Variants in C15orf39 observed in about 807,000 individuals in gnomAD.
The protein encoded by C15orf39 is uncharacterized protein C15orf39.
A neutral mutation model predicts 53.9 loss-of-function variants in C15orf39; 24 were observed. That is an observed-to-expected ratio of 0.45 (90% CI 0.32 to 0.63). The LOEUF (loss-of-function observed/expected upper bound fraction) is 0.63. Ranked by LOEUF, C15orf39 falls within the 20% of genes least tolerant of loss-of-function variation. The pLI is 0.04. For missense variants in C15orf39, 1,271 were observed against 1,347.9 expected, an observed-to-expected ratio of 0.94 and a Z score of 0.89; for synonymous variants, 569 against 576.5, an observed-to-expected ratio of 0.99 and a Z score of 0.19.
chr15:75,202,580 G>T (rs1475969291), intron 1 of C15orf39, among the ~76,000 whole-genome samples: 1 of 150,158 alleles, frequency 6.7e-6, no homozygotes, highest in Non-Finnish European at 1.5e-5. Context: ...CAGGCTGGCA[G>T]GATCGCCCTG....
Position 75,211,055 on chromosome 15 carries a change from C to T in C15orf39, c.3083C>T (p.Ser1028Leu). ...CTGCCCACCTGGGGCCACAAGTCCT[C>T]AAGACCAGACCAGCCCTCACCCTGC... ...LALPTWGHKSSRPDQPSPCPQ... is the reference protein window; with the variant it reads ...LALPTWGHKSLRPDQPSPCPQ... Residue 1028 changes from serine to leucine, a missense_variant, in exon 3 of 3, where the codon TCA (serine) becomes TTA (leucine). By Grantham distance (145) the Ser-to-Leu change is moderately radical. Transcript: ENST00000394987. 6.2e-7 allele frequency: 1 copy of T among 1,605,570 alleles called. No homozygotes were observed. Among genetic ancestry groups the T allele is most frequent in the Non-Finnish European group, 8.5e-7 (1 of 1,179,974 alleles).
Position 75,206,315 on chromosome 15 carries a change from C to CAA in C15orf39, c.268_269dup (p.Asn90LysfsTer63). 1.2e-6 allele frequency: 2 copies of CAA among 1,614,070 alleles called. No individual in the cohort carries two copies. Among genetic ancestry groups the CAA allele is most frequent in the Non-Finnish European group, 1.7e-6 (2 of 1,179,984 alleles). On this transcript the variant is annotated frameshift_variant, in exon 2 of 3. Coordinates refer to ENST00000394987, the MANE Select transcript of C15orf39 (RefSeq NM_015492.5). LOFTEE classifies it high-confidence loss of function. Reference sequence around the variant, plus strand: ...CACTTCAGGCAGACAACCTGCTGACCAACTGCCTGTTCTACCGCTCGCCAG... The same window carrying CAA: ...CACTTCAGGCAGACAACCTGCTGACCAAAACTGCCTGTTCTACCGCTCGCCAG...
In C15orf39 at chr15:75,208,490, G is replaced by A. The variant is rs781530926; in HGVS notation, c.2442G>A (p.Leu814=). ...AWQDCQGVQG[L]LAKLLSQLQR... The stretch of plus-strand genomic sequence containing the variant: ...AGGACTGCCAGGGTGTGCAGGGGCT[G>A]CTGGCCAAGCTGCTGTCTCAGCTGC... Residue 814 remains leucine (L), a synonymous_variant, in exon 2 of 3, where the codon CTG becomes CTA. Transcript: ENST00000394987. The A allele has an allele frequency of 4.4e-6, 7 of 1,593,814 alleles. No individual in the cohort carries two copies. The South Asian group carries it at 6.7e-5, about 15-fold the overall frequency.
rs1273231326 is a variant in C15orf39 at position 75,206,657 on chromosome 15, C to T, written c.609C>T (p.Ser203=). 1.2e-6 allele frequency: 2 copies of T among 1,613,742 alleles called. No individual in the cohort carries two copies. Among genetic ancestry groups the T allele is most frequent in the African/African-American group, 1.3e-5 (1 of 75,030 alleles). ...CAGCTGAGGGGTCCAGTAAAGACTC[C>T]TCAGGGAGCTTCTCCCCATGCCAGC... is the stretch of plus-strand genomic sequence containing the variant. ...GVPAEGSSKD[S]SGSFSPCQPF... The change falls in exon 2 of 3, where the codon TCC becomes TCT. Residue 203 remains serine, a synonymous_variant. Transcript: ENST00000394987.
rs971431644 is a variant in C15orf39 at position 75,206,216 on chromosome 15, T to G, written c.168T>G (p.Pro56=). Residue 56 remains proline, a synonymous_variant, in exon 2 of 3, where the codon CCT becomes CCG. Coordinates refer to ENST00000394987, the MANE Select transcript of C15orf39 (RefSeq NM_015492.5). The part of the protein sequence containing the change: ...SYFSCPMAGT[P]KAESEQLASW... Reference sequence around the variant, plus strand: ...TCTCCTGCCCCATGGCAGGTACTCCTAAGGCCGAGTCTGAGCAGTTGGCGT... The same window carrying G: ...TCTCCTGCCCCATGGCAGGTACTCCGAAGGCCGAGTCTGAGCAGTTGGCGT... 20 of 1,613,970 alleles carry G rather than the reference T, an allele frequency of 1.2e-5. No homozygotes were observed. The highest frequency in any genetic ancestry group is 1.6e-5 in the Non-Finnish European group (19 of 1,179,986).
In C15orf39 at chr15:75,207,673, A is replaced by T. The variant is rs1567139494; in HGVS notation, c.1625A>T (p.Glu542Val). 6.2e-7 allele frequency: 1 copy of T among 1,610,950 alleles called. No individual in the cohort carries two copies. Among genetic ancestry groups the T allele is most frequent in the Non-Finnish European group, 8.5e-7 (1 of 1,178,354 alleles). Residue 542 changes from glutamate (E) to valine (V), a missense_variant, in exon 2 of 3, where the codon GAA becomes GTA. Glu to Val is a moderately radical substitution (Grantham distance 121). This residue lies in a region of C15orf39 where 994 missense variants were observed against 993.7 expected (regional missense o/e 1.00). Coordinates refer to ENST00000394987, the MANE Select transcript of C15orf39 (RefSeq NM_015492.5). ...CCTGACTCAGCCCCAGCCACCAGTG[A>T]AGGTCAGGACAAAGGCTGCAGGGGG... ...AEPDSAPATS[E>V]GQDKGCRGTL... is the part of the protein sequence containing the mutation.
chr15:75,211,010 C>G lies in C15orf39; in HGVS notation c.3038C>G (p.Ala1013Gly). 2.5e-6 allele frequency: 4 copies of G among 1,611,914 alleles called. No homozygotes were observed. Among genetic ancestry groups the G allele is most frequent in the Non-Finnish European group, 2.5e-6 (3 of 1,180,016 alleles). The change falls in exon 3 of 3, where the codon GCC becomes GGC. Residue 1013 changes from alanine to glycine, a missense_variant. Ala to Gly is a moderately conservative substitution (Grantham distance 60, BLOSUM62 0). Transcript: ENST00000394987. ...CGCTTCCGCAGTCTGCTGGAGACCG[C>G]CTGGCTCAATGGCCTGGCTCTGCCC... ...KARFRSLLET[A>G]WLNGLALPTW...
chr15:75,207,482 C>A lies in C15orf39; in HGVS notation c.1434C>A (p.Pro478=). 2.5e-6 allele frequency: 4 copies of A among 1,613,710 alleles called. No individual in the cohort carries two copies. The highest frequency in any genetic ancestry group is 3.4e-6 in the Non-Finnish European group (4 of 1,180,008). ...PVPCTPPALP[P]CARECQSLPQ... ...CCTGTACCCCCCCAGCACTGCCCCC[C>A]TGTGCCCGGGAGTGCCAGTCTCTTC... is the stretch of plus-strand genomic sequence containing the variant. The change falls in exon 2 of 3, where the codon CCC becomes CCA. Residue 478 remains proline, a synonymous_variant. Coordinates refer to ENST00000394987, the MANE Select transcript of C15orf39 (RefSeq NM_015492.5).
At chr15:75,209,922 GATGCCTTA>G (rs2070471725) in intron 2 of C15orf39, among the ~76,000 whole-genome samples, 2 of 152,304 alleles carry the variant, frequency 1.3e-5, no homozygotes, top group East Asian at 3.9e-4. Flanking sequence ...AATTGGAGCA[GATGCCTTA>G]ATGGGATGCA....
upstream of C15orf39, among the ~76,000 whole-genome samples, chr15:75,199,775 C>A (rs2070390227): frequency 6.6e-6 from 1 of 152,140 alleles, no homozygotes; most frequent in South Asian, 2.1e-4. Flanking sequence ...ACACTACTTT[C>A]TTTTTCTGTG....
In C15orf39 at chr15:75,211,783, C is replaced by A. The variant is rs1446511411; in HGVS notation, c.*667C>A. The A allele has an allele frequency of 1.3e-5, 2 of 152,266 alleles. No individual in the cohort carries two copies. Among genetic ancestry groups the A allele is most frequent in the African/African-American group, 4.8e-5 (2 of 41,450 alleles). 9.4% of individuals were successfully genotyped at this position (152,266 alleles called of 1,614,324 possible). ...AGGGATGCAGCCTGGAGCTGGCGTC[C>A]TTGTTCTGGGCCTGCTGCTGCCGCC... On this transcript the variant is annotated 3_prime_UTR_variant, in exon 3 of 3. Coordinates refer to ENST00000394987, the MANE Select transcript of C15orf39 (RefSeq NM_015492.5).
In C15orf39 at chr15:75,206,227, C is replaced by G; in HGVS notation, c.179C>G (p.Ser60Cys). The G allele has an allele frequency of 6.2e-7, 1 of 1,614,118 alleles. No individual in the cohort carries two copies. The highest frequency in any genetic ancestry group is 8.5e-7 in the Non-Finnish European group (1 of 1,179,990). Residue 60 changes from serine to cysteine, a missense_variant, in exon 2 of 3, where the codon TCT becomes TGT. Physicochemically the swap from Ser to Cys is moderately radical, Grantham distance 112. This residue lies in a region of C15orf39 where 994 missense variants were observed against 993.7 expected (regional missense o/e 1.00). Coordinates refer to ENST00000394987, the MANE Select transcript of C15orf39 (RefSeq NM_015492.5). The stretch of plus-strand genomic sequence containing the variant: ...ATGGCAGGTACTCCTAAGGCCGAGT[C>G]TGAGCAGTTGGCGTCCTGGACCCCA... ...CPMAGTPKAE[S>C]EQLASWTPYP...
Position 75,208,412 on chromosome 15 carries a change from G to A in C15orf39, c.2364G>A (p.Glu788=). The stretch of plus-strand genomic sequence containing the variant: ...GCTCCGTCGCCCACTCTCCTCCAGA[G>A]AAGCTTCGCGAGTGGCTAGAGACGG... ...ISGSVAHSPP[E]KLREWLETAG... The change falls in exon 2 of 3, where the codon GAG becomes GAA. Residue 788 remains glutamate (E), a synonymous_variant. Coordinates refer to ENST00000394987, the MANE Select transcript of C15orf39 (RefSeq NM_015492.5). 1 of 1,606,882 alleles carries A rather than the reference G, an allele frequency of 6.2e-7. No homozygotes were observed. The highest frequency in any genetic ancestry group is 8.5e-7 in the Non-Finnish European group (1 of 1,178,312).
chr15:75,210,355 G>T (rs1438048888), intron 2 of C15orf39, among the ~76,000 whole-genome samples: 1 of 152,184 alleles, frequency 6.6e-6, no homozygotes, highest in East Asian at 1.9e-4. Flanking sequence ...TCGGCCTCGG[G>T]CTTGGGCTTG....
intron 1 of C15orf39, among the ~76,000 whole-genome samples, chr15:75,202,832 A>G (rs2070413866): frequency 1.3e-5 from 2 of 152,040 alleles, no homozygotes; most frequent in South Asian, 2.1e-4. Flanking sequence ...TGCTGGATGC[A>G]CGTGCGTCTC....
At chr15:75,203,091 C>T (rs2070415925) in intron 1 of C15orf39, among the ~76,000 whole-genome samples, 1 of 152,254 alleles carries the variant, frequency 6.6e-6, no homozygotes, top group South Asian at 2.1e-4. Flanking sequence ...GGAGAACACT[C>T]GGCGAGGCCC....
intron 1 of C15orf39, among the ~76,000 whole-genome samples, 192 bp from the exon 2 acceptor site, chr15:75,205,807 C>A (rs1439939363): frequency 6.6e-6 from 1 of 152,056 alleles, no homozygotes; most frequent in Non-Finnish European, 1.5e-5. Flanking sequence ...CAGAGTGAGA[C>A]CCTGCCTCAA....
rs199696770 is a variant in C15orf39, at chr15:75,206,523, T to G, written c.475T>G (p.Trp159Gly). Residue 159 changes from tryptophan to glycine, a missense_variant, in exon 2 of 3, where the codon TGG becomes GGG. Physicochemically the swap from Trp to Gly is radical, Grantham distance 184. Transcript: ENST00000394987. ...AGTGAAGAGGCCACTGGATGTTGAC[T>G]GGACTCTGGCGACTGGGCCCCTGTT... ...GAVKRPLDVD[W>G]TLATGPLLPS... 6.2e-7 allele frequency: 1 copy of G among 1,614,034 alleles called. No individual in the cohort carries two copies. Among genetic ancestry groups the G allele is most frequent in the Admixed American group, 1.7e-5 (1 of 60,010 alleles).
In C15orf39 at chr15:75,207,982, G is replaced by A; in HGVS notation, c.1934G>A (p.Ser645Asn). 1 of 1,613,976 alleles carries A rather than the reference G, an allele frequency of 6.2e-7. No homozygotes were observed. Among genetic ancestry groups the A allele is most frequent in the South Asian group, 1.1e-5 (1 of 91,088 alleles). Residue 645 changes from serine (S) to asparagine (N), a missense_variant, in exon 2 of 3, where the codon AGC becomes AAC. Transcript: ENST00000394987. ...TDAMPRTNFH[S>N]SVAFMFRKFK... ...GCCATGCCAAGGACCAACTTCCACAGCTCTGTGGCCTTCATGTTCCGAAAG... is the reference window on the plus strand; with the variant it reads ...GCCATGCCAAGGACCAACTTCCACAACTCTGTGGCCTTCATGTTCCGAAAG...
Sources: allele counts gnomAD v4.1 joint callset (sites outside exome capture counted in the v4.1 genomes callset), GRCh38; gene constraint gnomAD v4.1.1; regional missense constraint gnomAD v4.1.1; transcripts MANE v1.5; gene names NCBI Gene and HGNC (gene_info 2026-07-23, HGNC 2026-07-21).